Variants in HTR2C observed in about 807,000 individuals in gnomAD.
HTR2C encodes 5-hydroxytryptamine receptor 2C.
In HTR2C, 5 loss-of-function variants were observed where a neutral mutation model predicts 21.0. The observed-to-expected ratio is 0.24, with a 90% CI of 0.12 to 0.50. The LOEUF (loss-of-function observed/expected upper bound fraction) is 0.50. Ranked by LOEUF, HTR2C falls within the 20% of genes least tolerant of loss-of-function variation. The pLI, the probability that HTR2C is intolerant of heterozygous loss-of-function variation, is 0.98. For synonymous variants in HTR2C, 150 were observed against 145.3 expected, an observed-to-expected ratio of 1.03 and a Z score of -0.23; for missense variants, 271 against 371.2, an observed-to-expected ratio of 0.73 and a Z score of 2.22.
intron 5 of HTR2C, among the ~76,000 whole-genome samples, chrX:114,888,283 A>G (rs2147525202): frequency 8.9e-6 from 1 of 111,881 alleles, no homozygotes; most frequent in Admixed American, 9.5e-5. Context: ...GGCCGTAGCC[A>G]TAGGTCTTTA....
chrX:114,746,168 C>T (rs1309055896), intron 4 of HTR2C, among the ~76,000 whole-genome samples: 1 of 111,434 alleles, frequency 9.0e-6, no homozygotes, highest in Non-Finnish European at 1.9e-5. Flanking sequence ...TGGATAGCTT[C>T]ACTGGCAAAT....
chrX:114,742,411 C>A (rs1000148008), intron 4 of HTR2C, among the ~76,000 whole-genome samples: 22 of 110,905 alleles, frequency 2.0e-4, no homozygotes, highest in African/African-American at 5.9e-4. Flanking sequence ...CTCAAAGCAG[C>A]GTAGCCAAGG....
chrX:114,868,117 AT>A (rs2071060912), intron 5 of HTR2C, among the ~76,000 whole-genome samples: 1 of 110,182 alleles, frequency 9.1e-6, no homozygotes. Flanking sequence ...TATTAACAAT[AT>A]TGATTTTTCC....
intron 4 of HTR2C, among the ~76,000 whole-genome samples, chrX:114,743,372 CTA>C (rs1370576549): frequency 1.8e-5 from 2 of 111,150 alleles, no homozygotes; most frequent in Non-Finnish European, 3.8e-5. Flanking sequence ...TTACAATACT[CTA>C]TGTAGTAATG....
chrX:114,829,086 A>G (rs2070700084), intron 4 of HTR2C, among the ~76,000 whole-genome samples: 1 of 111,745 alleles, frequency 8.9e-6, no homozygotes, highest in Non-Finnish European at 1.9e-5. Context: ...GCTAGGTCAT[A>G]TGGTAATTCC....
intron 5 of HTR2C, among the ~76,000 whole-genome samples, chrX:114,878,994 G>A (rs1466189854): frequency 1.8e-5 from 2 of 109,859 alleles, no homozygotes; most frequent in African/African-American, 6.6e-5. Flanking sequence ...TGTTAACTAC[G>A]TTCAATTTGT....
intron 4 of HTR2C, among the ~76,000 whole-genome samples, chrX:114,753,048 AAAG>A (rs1413721752): frequency 9.1e-6 from 1 of 110,453 alleles, no homozygotes; most frequent in African/African-American, 3.3e-5. Context: ...CTGAAAATGC[AAAG>A]AAGATGAACT....
intron 5 of HTR2C, among the ~76,000 whole-genome samples, chrX:114,855,909 A>G (rs1377671460): frequency 3.7e-5 from 4 of 107,726 alleles, no homozygotes; most frequent in Non-Finnish European, 5.8e-5. Context: ...AAACTTTTTC[A>G]TGGTACAAAG....
intron 4 of HTR2C, among the ~76,000 whole-genome samples, chrX:114,756,421 T>C (rs968369953): frequency 1.8e-5 from 2 of 111,910 alleles, no homozygotes; most frequent in Non-Finnish European, 3.8e-5. Context: ...ACTTGATTCT[T>C]AATAGCCCCA....
At chrX:114,806,579 CATATATATCATAT>C (rs1196345574) in intron 4 of HTR2C, among the ~76,000 whole-genome samples, 2 of 90,996 alleles carry the variant, frequency 2.2e-5, no homozygotes, top group Non-Finnish European at 4.2e-5. Context: ...TCATATATAT[CATATATATCATAT>C]ATATCATATA....
chrX:114,854,988 C>T (rs2070947712), intron 5 of HTR2C, among the ~76,000 whole-genome samples: 1 of 111,679 alleles, frequency 9.0e-6, no homozygotes, highest in Admixed American at 9.5e-5. Flanking sequence ...TGTCACTAAT[C>T]GTTAGAGAAA....
intron 2 of HTR2C, among the ~76,000 whole-genome samples, chrX:114,672,031 A>G (rs1319739576): frequency 9.0e-6 from 1 of 111,567 alleles, no homozygotes; most frequent in Admixed American, 9.6e-5. Context: ...TACTATTTAT[A>G]TTAATATGTA....
intron 2 of HTR2C, among the ~76,000 whole-genome samples, chrX:114,699,242 A>G (rs1307045794): frequency 8.9e-6 from 1 of 112,173 alleles, no homozygotes; most frequent in Non-Finnish European, 1.9e-5. Flanking sequence ...ACTGAAACAC[A>G]GCTCTTTTTT....
chrX:114,816,601 G>A (rs1434012765), intron 4 of HTR2C, among the ~76,000 whole-genome samples: 1 of 110,221 alleles, frequency 9.1e-6, no homozygotes, highest in Non-Finnish European at 1.9e-5. Context: ...AAACTTCAAT[G>A]TATATTTATA....
chrX:114,685,807 G>T (rs1169356313), intron 2 of HTR2C, among the ~76,000 whole-genome samples: 3 of 111,990 alleles, frequency 2.7e-5, no homozygotes, highest in Admixed American at 9.5e-5. Context: ...TTTCTACCTA[G>T]CCAGTACTTT....
At chrX:114,830,547 A>C (rs1025878398) in intron 4 of HTR2C, among the ~76,000 whole-genome samples, 15 of 110,661 alleles carry the variant, frequency 1.4e-4, no homozygotes, top group African/African-American at 4.6e-4. Flanking sequence ...TGCTTACTTC[A>C]GTTTTGCCAG....
At chrX:114,830,785 C>T (rs1336087258) in intron 4 of HTR2C, among the ~76,000 whole-genome samples, 2 of 97,145 alleles carry the variant, frequency 2.1e-5, no homozygotes, top group Admixed American at 1.2e-4. Context: ...CATGCTGGTG[C>T]GCTGCACCCA....
At chrX:114,630,548 G>T (rs1929570004) in intron 2 of HTR2C, among the ~76,000 whole-genome samples, 1 of 111,891 alleles carries the variant, frequency 8.9e-6, no homozygotes, top group African/African-American at 3.3e-5. Flanking sequence ...GAAAACAGAG[G>T]CTACAAGAAC....
chrX:114,882,907 A>G (rs2071192700), intron 5 of HTR2C, among the ~76,000 whole-genome samples: 1 of 110,551 alleles, frequency 9.0e-6, no homozygotes, highest in African/African-American at 3.3e-5. Flanking sequence ...AACTGGTATT[A>G]TTTCTTCTTT....
Sources: allele counts gnomAD v4.1 joint callset (sites outside exome capture counted in the v4.1 genomes callset), GRCh38; gene constraint gnomAD v4.1.1; transcripts MANE v1.5; gene names NCBI Gene and HGNC (gene_info 2026-07-23, HGNC 2026-07-21).